Variants in RAPGEF6 observed in about 807,000 individuals in gnomAD.
RAPGEF6 encodes Rap guanine nucleotide exchange factor 6.
RAPGEF6 carries 56 observed loss-of-function variants against 171.4 expected under a neutral mutation model. The ratio of observed to expected loss-of-function variants is 0.33; its 90% confidence interval spans 0.26 to 0.41. RAPGEF6 has a LOEUF of 0.41. RAPGEF6 is among the 10% of genes least tolerant of loss of function. The pLI is 1.00. For synonymous variants in RAPGEF6, 692 were observed against 650.1 expected, an observed-to-expected ratio of 1.06 and a Z score of -0.98; for missense variants, 1,674 against 1,921.4, an observed-to-expected ratio of 0.87 and a Z score of 2.41.
intron 20 of RAPGEF6, among the ~76,000 whole-genome samples, chr5:131,453,730 G>A (rs1753276469): frequency 6.6e-6 from 1 of 152,182 alleles, no homozygotes; most frequent in African/African-American, 2.4e-5. Flanking sequence ...GTCTGTCAAA[G>A]TCCAAGGCCC....
intron 6 of RAPGEF6, among the ~76,000 whole-genome samples, chr5:131,543,884 A>G (rs1053231195): frequency 5.3e-5 from 8 of 152,226 alleles, no homozygotes; most frequent in African/African-American, 1.9e-4. Flanking sequence ...AATTTGTTGC[A>G]AACTTTAAAA....
chr5:131,492,497 C>T (rs1281906352), intron 14 of RAPGEF6, 85 bp downstream of exon 14: 1 of 1,352,382 alleles, frequency 7.4e-7, no homozygotes, highest in Non-Finnish European at 1.1e-6. Context: ...TTAAACTGAT[C>T]ATGCTTTCTG....
chr5:131,449,955 G>T, intron 21 of RAPGEF6: 2 of 1,446,790 alleles, frequency 1.4e-6, no homozygotes, highest in South Asian at 1.2e-5. Flanking sequence ...GTGCATTAAT[G>T]AAAAGGATGC....
intron 17 of RAPGEF6, 183 bp from the exon 18 acceptor site, chr5:131,464,464 CA>C (rs1259689066): frequency 7.7e-6 from 4 of 522,858 alleles, no homozygotes; most frequent in African/African-American, 2.0e-5. Context: ...TTTCAGATAA[CA>C]AATCATTGAT....
At chr5:131,605,891 A>G (rs56100851) in intron 1 of RAPGEF6, among the ~76,000 whole-genome samples, 3,990 of 151,886 alleles carry the variant, frequency 0.026, 186 homozygotes, top group African/African-American at 0.091. Context: ...TTAGCCGGGT[A>G]TGGTGGCAGG....
intron 8 of RAPGEF6, among the ~76,000 whole-genome samples, chr5:131,509,887 A>G (rs1242423710): frequency 6.6e-6 from 1 of 152,210 alleles, no homozygotes. Flanking sequence ...TTACTCTTGA[A>G]TACAGATAAT....
intron 4 of RAPGEF6, among the ~76,000 whole-genome samples, chr5:131,562,920 A>G (rs1581028876): frequency 6.6e-6 from 1 of 152,300 alleles, no homozygotes; most frequent in East Asian, 1.9e-4. Context: ...CTCTTTGGAA[A>G]AAACTAAAGC....
chr5:131,534,607 T>TG (rs1554079843), intron 6 of RAPGEF6, among the ~76,000 whole-genome samples: 2 of 736 alleles, frequency 2.7e-3, no homozygotes, highest in Admixed American at 0.083. Context: ...CACCAATGTG[T>TG]TTTTTTTTTT....
intron 5 of RAPGEF6, among the ~76,000 whole-genome samples, chr5:131,550,483 G>A (rs1324578501): frequency 1.3e-5 from 2 of 152,178 alleles, no homozygotes; most frequent in African/African-American, 4.8e-5. Context: ...TGATTTCTAA[G>A]AGTTGATGTC....
intron 5 of RAPGEF6, among the ~76,000 whole-genome samples, chr5:131,556,768 T>C (rs1761261471): frequency 6.6e-6 from 1 of 152,178 alleles, no homozygotes; most frequent in Non-Finnish European, 1.5e-5. Flanking sequence ...AAATAAACAC[T>C]ATACTTGATG....
chr5:131,581,610 A>ACC (rs1762966104), intron 4 of RAPGEF6, among the ~76,000 whole-genome samples: 1 of 151,804 alleles, frequency 6.6e-6, no homozygotes, highest in African/African-American at 2.4e-5. Flanking sequence ...GAGAAACCTC[A>ACC]CCCATCACCC....
At chr5:131,499,331 A>T (rs1159324184) in intron 11 of RAPGEF6, among the ~76,000 whole-genome samples, 2 of 152,182 alleles carry the variant, frequency 1.3e-5, no homozygotes, top group Admixed American at 6.5e-5. Flanking sequence ...CTGTAATCCC[A>T]GCACTTTGGG....
intron 6 of RAPGEF6, among the ~76,000 whole-genome samples, chr5:131,535,918 A>T (rs980725): frequency 0.78 from 118,122 of 151,982 alleles, 46,226 homozygotes; most frequent in African/African-American, 0.82. Flanking sequence ...TAAGAGGATA[A>T]ACATTCTAGG....
Position 131,464,226 on chromosome 5 carries a change from A to G in RAPGEF6, c.2295T>C (p.Ile765=), listed in dbSNP as rs1193174352. The G allele has an allele frequency of 6.2e-7, 1 of 1,613,764 alleles. No homozygotes were observed. The highest frequency in any genetic ancestry group is 8.5e-7 in the Non-Finnish European group (1 of 1,179,746). ...VFKVDQQSCY[I]IISKDTTAKE... is the part of the protein sequence containing the mutation. ...TAGCTGTGGTGTCTTTACTGATGATAATGTAGCAACTTTGCTGATCCACTT... is the reference window on the plus strand; with the variant it reads ...TAGCTGTGGTGTCTTTACTGATGATGATGTAGCAACTTTGCTGATCCACTT... Residue 765 remains isoleucine (I), a synonymous_variant, in exon 18 of 28, where the codon ATT becomes ATC. Coordinates refer to ENST00000509018, the MANE Select transcript of RAPGEF6 (RefSeq NM_016340.6).
At chr5:131,598,058 C>G (rs749639656) in intron 3 of RAPGEF6, among the ~76,000 whole-genome samples, 1 of 151,514 alleles carries the variant, frequency 6.6e-6, no homozygotes, top group African/African-American at 2.4e-5. Context: ...TAACCTAAAA[C>G]CAACAGAAAA....
intron 17 of RAPGEF6, 46 bp from the exon 18 acceptor site, chr5:131,464,327 C>A: frequency 6.6e-7 from 1 of 1,522,836 alleles, no homozygotes; most frequent in South Asian, 1.1e-5. Flanking sequence ...AAAAAAATCA[C>A]TTTTAAACCC....
rs529995035 is a variant in RAPGEF6, at chr5:131,431,361, G to A, written c.3975-12C>T. On this transcript the variant is annotated splice_polypyrimidine_tract_variant and intron_variant, in intron 25 of 27. Transcript: ENST00000509018. ...TCAAGAGTGTCCACCTAAAATTGGA[G>A]ATAACGTACAATTAGAAGGCTTGCC... 415 of 1,575,246 alleles carry A rather than the reference G, an allele frequency of 2.6e-4. 7 individuals carry two copies. In the South Asian group the frequency reaches 4.7e-3, roughly 18 times the overall value.
At chr5:131,534,387 A>G (rs890963121) in intron 6 of RAPGEF6, among the ~76,000 whole-genome samples, 18 of 152,196 alleles carry the variant, frequency 1.2e-4, no homozygotes, top group Non-Finnish European at 2.4e-4. Context: ...TATAATTTTG[A>G]ACAAAGACAA....
At chr5:131,560,263 G>A (rs1279688751) in intron 5 of RAPGEF6, among the ~76,000 whole-genome samples, 1 of 152,018 alleles carries the variant, frequency 6.6e-6, no homozygotes, top group East Asian at 1.9e-4. Context: ...TAACAATAAG[G>A]ACTTTGTCTT....
Sources: allele counts gnomAD v4.1 joint callset (sites outside exome capture counted in the v4.1 genomes callset), GRCh38; gene constraint gnomAD v4.1.1; transcripts MANE v1.5; gene names NCBI Gene and HGNC (gene_info 2026-07-23, HGNC 2026-07-21).